MAGI1: variants seen among roughly 807,000 people sequenced by gnomAD.
MAGI1 encodes the protein membrane-associated guanylate kinase, WW and PDZ domain-containing protein 1.
A neutral mutation model predicts 139.9 loss-of-function variants in MAGI1; 58 were observed. That is an observed-to-expected ratio of 0.41 (90% CI 0.34 to 0.52). The LOEUF (loss-of-function observed/expected upper bound fraction) is 0.52, where lower values mean the gene tolerates loss of function less well. Ranked by LOEUF, MAGI1 falls within the 20% of genes least tolerant of loss-of-function variation. The pLI is 0.12. For synonymous variants in MAGI1, 812 were observed against 737.9 expected, an observed-to-expected ratio of 1.10 and a Z score of -1.63; for missense variants, 1,874 against 1,901.6, an observed-to-expected ratio of 0.99 and a Z score of 0.27.
At chr3:65,784,716 C>T (rs1220189316) in intron 1 of MAGI1, among the ~76,000 whole-genome samples, 2 of 96,894 alleles carry the variant, frequency 2.1e-5, no homozygotes, top group Non-Finnish European at 4.1e-5. Context: ...ACAACAACAA[C>T]AACAACAACA....
intron 1 of MAGI1, among the ~76,000 whole-genome samples, chr3:65,768,868 C>A (rs893395206): frequency 6.6e-6 from 1 of 151,990 alleles, no homozygotes; most frequent in Non-Finnish European, 1.5e-5. Context: ...AAAACTGCTC[C>A]GTACAGAGAA....
chr3:65,921,616 T>C (rs571385513), intron 1 of MAGI1, among the ~76,000 whole-genome samples: 10 of 152,134 alleles, frequency 6.6e-5, no homozygotes, highest in Non-Finnish European at 1.3e-4. Context: ...GGCTGACTTA[T>C]AATTTTCTTA....
intron 2 of MAGI1, among the ~76,000 whole-genome samples, chr3:65,540,461 G>C (rs1167951572): frequency 1.3e-5 from 2 of 152,086 alleles, no homozygotes; most frequent in Non-Finnish European, 2.9e-5. Flanking sequence ...CTGGCAAACA[G>C]AGACCCTCAA....
At chr3:65,878,075 C>T (rs543903915) in intron 1 of MAGI1, among the ~76,000 whole-genome samples, 2 of 152,036 alleles carry the variant, frequency 1.3e-5, no homozygotes, top group East Asian at 1.9e-4. Context: ...CACACCACTG[C>T]ACTCCAGCCT....
chr3:65,549,829 G>A (rs1294545827), intron 2 of MAGI1, among the ~76,000 whole-genome samples: 3 of 152,062 alleles, frequency 2.0e-5, no homozygotes, highest in Admixed American at 1.3e-4. Context: ...ATAGGGAGGT[G>A]CCGGTCAAAC....
intron 13 of MAGI1, among the ~76,000 whole-genome samples, chr3:65,394,563 C>T (rs1944230578): frequency 6.6e-6 from 1 of 152,106 alleles, no homozygotes; most frequent in African/African-American, 2.4e-5. Context: ...ATTCTATGTT[C>T]CTTCTCAAGT....
At chr3:66,017,988 T>A (rs2067744680) in intron 1 of MAGI1, among the ~76,000 whole-genome samples, 2 of 152,076 alleles carry the variant, frequency 1.3e-5, no homozygotes, top group South Asian at 4.1e-4. Context: ...ATCTGTAAAT[T>A]GCTTTGTCTT....
At chr3:65,446,573 T>A (rs1948688791) in intron 7 of MAGI1, among the ~76,000 whole-genome samples, 1 of 152,174 alleles carries the variant, frequency 6.6e-6, no homozygotes, top group Non-Finnish European at 1.5e-5. Flanking sequence ...CTATCTCCAC[T>A]GGCTGCCAGC....
rs566646268 is a variant in MAGI1 at position 66,038,681 on chromosome 3, T to A, written c.-373A>T. Reference sequence around the variant, plus strand: ...CTTTTACAAATGCGGTGCCTCCTCTTTGCCTCCCGCCCGGCTCGCCTCTCC... The same window carrying A: ...CTTTTACAAATGCGGTGCCTCCTCTATGCCTCCCGCCCGGCTCGCCTCTCC... On this transcript the variant is annotated 5_prime_UTR_variant, in exon 1 of 23. Coordinates refer to ENST00000402939, the MANE Select transcript of MAGI1 (RefSeq NM_001033057.2). The A allele has an allele frequency of 2.6e-4, 46 of 180,088 alleles. No individual in the cohort carries two copies. The highest frequency in any genetic ancestry group is 3.2e-4 in the Non-Finnish European group (28 of 86,926). The allele number at this position is 180,088 out of a possible 1,614,324, so 11.2% of individuals were successfully genotyped here.
intron 12 of MAGI1, among the ~76,000 whole-genome samples, chr3:65,414,913 C>A (rs1299277173): frequency 6.8e-6 from 1 of 147,832 alleles, no homozygotes; most frequent in Non-Finnish European, 1.5e-5. Flanking sequence ...CCTGCAATCC[C>A]AGCTACTCGG....
At chr3:65,814,381 A>T (rs1177632830) in intron 1 of MAGI1, among the ~76,000 whole-genome samples, 1 of 152,146 alleles carries the variant, frequency 6.6e-6, no homozygotes, top group Non-Finnish European at 1.5e-5. Flanking sequence ...ATATCAATCT[A>T]AGGCTTAGAA....
intron 2 of MAGI1, among the ~76,000 whole-genome samples, chr3:65,608,164 G>A (rs544728454): frequency 2.6e-5 from 4 of 152,238 alleles, no homozygotes; most frequent in East Asian, 3.9e-4. Context: ...AACGGGGACC[G>A]GGTGGAGTGG....
At chr3:65,697,605 C>G in intron 1 of MAGI1, among the ~76,000 whole-genome samples, 1 of 99,732 alleles carries the variant, frequency 1.0e-5, no homozygotes, top group Non-Finnish European at 2.0e-5. Flanking sequence ...AGCATATAAA[C>G]AGAGCCAAAG....
At chr3:65,450,478 A>G (rs1016944095) in intron 6 of MAGI1, among the ~76,000 whole-genome samples, 3 of 152,156 alleles carry the variant, frequency 2.0e-5, no homozygotes, top group African/African-American at 4.8e-5. Flanking sequence ...TCAAGGGGGA[A>G]TTTTGAGTAT....
intron 1 of MAGI1, among the ~76,000 whole-genome samples, chr3:65,772,808 C>A (rs562669873): frequency 5.9e-5 from 9 of 152,310 alleles, no homozygotes; most frequent in Admixed American, 5.9e-4. Flanking sequence ...CTGATTACTG[C>A]ACAGGCTGAT....
intron 2 of MAGI1, among the ~76,000 whole-genome samples, chr3:65,589,083 A>C (rs762801896): frequency 6.6e-6 from 1 of 152,302 alleles, no homozygotes; most frequent in Middle Eastern, 3.4e-3. Context: ...AGGTCAGAGT[A>C]AACAGTTTAC....
intron 1 of MAGI1, among the ~76,000 whole-genome samples, chr3:65,938,507 C>T (rs1323027794): frequency 1.3e-5 from 2 of 151,896 alleles, no homozygotes; most frequent in Non-Finnish European, 2.9e-5. Flanking sequence ...CTCTGAATGT[C>T]CCCTCCATCT....
chr3:65,647,052 A>G (rs1395891367), intron 1 of MAGI1, among the ~76,000 whole-genome samples: 1 of 152,142 alleles, frequency 6.6e-6, no homozygotes, highest in Non-Finnish European at 1.5e-5. Context: ...AATGAAAGTA[A>G]AAACAGAAAA....
In MAGI1 at chr3:65,963,285, C is replaced by A. The variant is rs191341227; in HGVS notation, c.313+74711G>T. On this transcript the variant is annotated intron_variant, in intron 1 of 22. Coordinates refer to ENST00000402939, the MANE Select transcript of MAGI1 (RefSeq NM_001033057.2). Reference sequence around the variant, plus strand: ...CGAGAGCGCACCACTGCACTCCAGCCTGGTCAACAGAGCGAGACTCTGTCT... The same window carrying A: ...CGAGAGCGCACCACTGCACTCCAGCATGGTCAACAGAGCGAGACTCTGTCT... Among the ~76,000 whole-genome samples the A allele has an allele frequency of 6.6e-3, 859 of 130,532 alleles. 8 individuals carry two copies. Among genetic ancestry groups the A allele is most frequent in the Middle Eastern group, 0.048 (9 of 188 alleles). 85.6% of individuals were successfully genotyped at this position (130,532 alleles called of 152,430 possible). A position where few individuals can be genotyped will look rare whatever the true frequency, so the allele number is the denominator to read the frequency against.
Sources: gnomAD v4.1 joint callset for allele counts (sites outside exome capture counted in the v4.1 genomes callset) on GRCh38, gnomAD v4.1.1 for gene constraint, MANE v1.5 for transcripts, NCBI Gene and HGNC (gene_info 2026-07-23, HGNC 2026-07-21) for gene names.